The following AMD1 variants were observed in gnomAD, a reference collection of about 807,000 sequenced individuals.
The protein encoded by AMD1 is adenosylmethionine decarboxylase 1.
A neutral mutation model predicts 40.2 loss-of-function variants in AMD1; 11 were observed. The ratio of observed to expected loss-of-function variants is 0.27; its 90% CI spans 0.17 to 0.45. The LOEUF is 0.45. Ranked by LOEUF, AMD1 falls within the 20% of genes least tolerant of loss-of-function variation. The probability of loss-of-function intolerance (pLI) is 1.00; values close to 1 mark genes in which losing one functional copy is unlikely to be tolerated. For synonymous variants in AMD1, 121 were observed against 130.8 expected (o/e 0.93, Z 0.51); for missense variants, 257 against 410.2 (o/e 0.63, Z 3.23).
chr6:110,817,571 T>C, the AMD1 span, among the ~76,000 whole-genome samples: 1 of 152,098 alleles, frequency 6.6e-6, no homozygotes. Flanking sequence ...ACCATGCCAC[T>C]GCACTCCAGC....
the AMD1 span, among the ~76,000 whole-genome samples, chr6:110,840,474 T>C: frequency 6.6e-6 from 1 of 152,102 alleles, no homozygotes; most frequent in East Asian, 1.9e-4. Context: ...ACAGAACACT[T>C]ACGTTTACCA....
chr6:110,875,542 C>G (rs1426855579), intron 1 of AMD1: 1 of 225,902 alleles, frequency 4.4e-6, no homozygotes. Flanking sequence ...GCCCGCGCCT[C>G]CCGACATTTC....
At chr6:110,853,631 G>A in the AMD1 span, among the ~76,000 whole-genome samples, 2 of 152,020 alleles carry the variant, frequency 1.3e-5, no homozygotes, top group Non-Finnish European at 2.9e-5. Flanking sequence ...AGTAGAGATA[G>A]GGTTTCACCA....
chr6:110,890,748 C>T (rs565625009), intron 4 of AMD1: 352 of 155,156 alleles, frequency 2.3e-3, no homozygotes, highest in African/African-American at 7.5e-3. Context: ...CTTGGCCTCC[C>T]AAAGTGCTAG....
At chr6:110,818,908 C>T in the AMD1 span, among the ~76,000 whole-genome samples, 1 of 152,142 alleles carries the variant, frequency 6.6e-6, no homozygotes, top group Non-Finnish European at 1.5e-5. Flanking sequence ...TTTTTCTTTT[C>T]TCAATTCTGT....
At chr6:110,857,033 G>A in the AMD1 span, among the ~76,000 whole-genome samples, 3 of 151,702 alleles carry the variant, frequency 2.0e-5, no homozygotes, top group Non-Finnish European at 2.9e-5. Flanking sequence ...GTGTAGTGGC[G>A]GGCACCTGTA....
chr6:110,822,389 T>C, the AMD1 span, among the ~76,000 whole-genome samples: 1 of 150,782 alleles, frequency 6.6e-6, no homozygotes, highest in South Asian at 2.1e-4. Flanking sequence ...GAGAAAGAAA[T>C]AGAAATCCTG....
chr6:110,858,937 CCGA>C, the AMD1 span: 1 of 985,914 alleles, frequency 1.0e-6, no homozygotes, highest in South Asian at 1.3e-5. Flanking sequence ...AAGCTGGGAA[CCGA>C]CAAGTGTGAC....
At chr6:110,887,997 T>A (rs1436860812) in intron 2 of AMD1, among the ~76,000 whole-genome samples, 2 of 152,136 alleles carry the variant, frequency 1.3e-5, no homozygotes, top group African/African-American at 4.8e-5. Flanking sequence ...TTTTTTTACA[T>A]TATTCTTAAA....
the AMD1 span, among the ~76,000 whole-genome samples, chr6:110,831,234 T>C: frequency 6.6e-6 from 1 of 151,840 alleles, no homozygotes; most frequent in South Asian, 2.1e-4. Flanking sequence ...AGTCAGGAGT[T>C]CAAGACCAGT....
chr6:110,879,939 T>G (rs1254022432), intron 1 of AMD1, among the ~76,000 whole-genome samples: 1 of 152,026 alleles, frequency 6.6e-6, no homozygotes, highest in East Asian at 1.9e-4. Context: ...CCTGCACTAA[T>G]GGGATCCTTC....
the AMD1 span, among the ~76,000 whole-genome samples, chr6:110,867,786 T>G: frequency 6.6e-6 from 1 of 152,214 alleles, no homozygotes; most frequent in Non-Finnish European, 1.5e-5. Flanking sequence ...ATTTTAAAAC[T>G]GAAATAATGA....
At chr6:110,846,069 G>A in the AMD1 span, among the ~76,000 whole-genome samples, 207 of 152,178 alleles carry the variant, frequency 1.4e-3, 1 homozygote, top group Non-Finnish European at 1.4e-3. Flanking sequence ...GTGAAACCCC[G>A]TCTCTACTAA....
At chr6:110,869,157 GTCTC>G in the AMD1 span, among the ~76,000 whole-genome samples, 1 of 151,570 alleles carries the variant, frequency 6.6e-6, no homozygotes, top group Non-Finnish European at 1.5e-5. Context: ...TTGAGACGGA[GTCTC>G]TCTCTGTAGC....
the AMD1 span, among the ~76,000 whole-genome samples, chr6:110,821,317 AGCCGGGCACAGTG>A: frequency 6.6e-6 from 1 of 152,098 alleles, no homozygotes; most frequent in Admixed American, 6.6e-5. Flanking sequence ...CACTGAGACA[AGCCGGGCACAGTG>A]GCTCACGCCT....
chr6:110,892,245 A>G (rs148879557), intron 5 of AMD1, 42 bp downstream of exon 5: 1 of 1,613,690 alleles, frequency 6.2e-7, no homozygotes, highest in Admixed American at 1.7e-5. Flanking sequence ...TGTCCTATGT[A>G]AGATTTAAAC....
At chr6:110,865,568 A>AT in the AMD1 span, among the ~76,000 whole-genome samples, 1 of 150,684 alleles carries the variant, frequency 6.6e-6, no homozygotes, top group Non-Finnish European at 1.5e-5. Context: ...TAATTTTTGG[A>AT]TTTTTTAGCA....
the AMD1 span, among the ~76,000 whole-genome samples, chr6:110,829,444 C>T: frequency 2.0e-5 from 3 of 151,886 alleles, no homozygotes; most frequent in Non-Finnish European, 4.4e-5. Context: ...GTTTGGGAGG[C>T]TGAGGCGGGC....
At chr6:110,892,616 A>G in intron 6 of AMD1, 119 bp from the exon 7 acceptor site, 1 of 1,388,880 alleles carries the variant, frequency 7.2e-7, no homozygotes, top group Admixed American at 1.9e-5. Flanking sequence ...TGTTAAGCCT[A>G]GTACCCATTA....
Sources: gnomAD v4.1 joint callset for allele counts (sites outside exome capture counted in the v4.1 genomes callset) on GRCh38, gnomAD v4.1.1 for gene constraint, MANE v1.5 for transcripts, NCBI Gene and HGNC (gene_info 2026-07-23, HGNC 2026-07-21) for gene names.